Variants in EME1 observed in about 807,000 individuals in gnomAD.
EME1 encodes structure-specific endonuclease subunit EME1.
Under a neutral mutation model 59.1 loss-of-function variants are expected in EME1, and 61 were observed. That is an observed-to-expected ratio of 1.03 (90% CI 0.84 to 1.28). The LOEUF (loss-of-function observed/expected upper bound fraction) is 1.28, where lower values mean the gene tolerates loss of function less well. Ranked by LOEUF, EME1 falls within the 50% of genes most tolerant of loss-of-function variation. The probability of loss-of-function intolerance (pLI) is 0.00; values close to 1 mark genes in which losing one functional copy is unlikely to be tolerated. For synonymous variants in EME1, 230 were observed against 254.2 expected, an observed-to-expected ratio of 0.90 and a Z score of 0.90; for missense variants, 635 against 682.6, an observed-to-expected ratio of 0.93 and a Z score of 0.78.
Position 50,379,581 on chromosome 17 carries a change from G to C in EME1, c.1346+14G>C, listed in dbSNP as rs766142936. ...GGCGCCCTTCAAGTGAGTAACCCCA[G>C]CAAGTCCAGCCTCCATGCTGGGCCT... On this transcript the variant is annotated intron_variant, in intron 7 of 8. Transcript: ENST00000338165. The C allele has an allele frequency of 4.3e-6, 7 of 1,611,302 alleles. No individual in the cohort carries two copies. In the African/African-American group the frequency reaches 5.3e-5, roughly 12 times the overall value.
chr17:50,374,663 C>T (rs546852769), intron 1 of EME1, among the ~76,000 whole-genome samples: 2 of 152,136 alleles, frequency 1.3e-5, no homozygotes, highest in East Asian at 3.9e-4. Flanking sequence ...ACTAGCCTGG[C>T]GAACATGATG....
intron 8 of EME1, 73 bp downstream of exon 8, chr17:50,380,574 C>T: frequency 1.3e-6 from 2 of 1,576,690 alleles, no homozygotes; most frequent in South Asian, 1.2e-5. Flanking sequence ...TTTCCATGGA[C>T]AACTGTTGAG....
At chr17:50,377,807 A>G (rs1298243746) in intron 3 of EME1, among the ~76,000 whole-genome samples, 1 of 151,654 alleles carries the variant, frequency 6.6e-6, no homozygotes, top group Admixed American at 6.6e-5. Flanking sequence ...CCAGGCTAGA[A>G]TGCAATGGCA....
intron 1 of EME1, chr17:50,374,975 T>C: frequency 2.3e-6 from 1 of 443,636 alleles, no homozygotes; most frequent in South Asian, 3.5e-5. Context: ...TTGTTTATAC[T>C]TCAGCTTGAC....
chr17:50,377,501 CCT>C (rs2143315285), intron 3 of EME1, among the ~76,000 whole-genome samples: 1 of 152,282 alleles, frequency 6.6e-6, no homozygotes, highest in Non-Finnish European at 1.5e-5. Flanking sequence ...GGATTGTTGG[CCT>C]TGAGGCATCC....
rs1276752588 is a variant in EME1, at chr17:50,380,913, C to T, written c.1687C>T (p.His563Tyr). 2 of 1,614,216 alleles carry T rather than the reference C, an allele frequency of 1.2e-6. No homozygotes were observed. The highest frequency in any genetic ancestry group is 1.7e-6 in the Non-Finnish European group (2 of 1,180,042). The change falls in exon 9 of 9, where the codon CAT becomes TAT. Residue 563 changes from histidine to tyrosine, a missense_variant. By Grantham distance (83) the His-to-Tyr change is moderately conservative. Transcript: ENST00000338165. Reference protein sequence around the residue: ...IYLQMTTLQPHLSLDSAD With the variant: ...IYLQMTTLQPYLSLDSAD ...CCTTCAGATGACCACTTTACAGCCA[C>T]ATCTCTCTTTAGATAGTGCTGACTG... is the stretch of plus-strand genomic sequence containing the variant.
Position 50,380,326 on chromosome 17 carries a change from AAAC to A in EME1, c.1362_1364del (p.Glu454_Thr455delinsAsp), listed in dbSNP as rs1294103802. Reference sequence around the variant, plus strand: ...CGCTGTTGCAGGAAGCTCCGAGATGAAACTACCTTCTCCTTCTGTCTGGAGAGT... The same window carrying A: ...CGCTGTTGCAGGAAGCTCCGAGATGATACCTTCTCCTTCTGTCTGGAGAGT... On this transcript the variant is annotated inframe_deletion, in exon 8 of 9. Transcript: ENST00000338165. 1.5e-5 allele frequency: 24 copies of A among 1,609,992 alleles called. No individual in the cohort carries two copies. Among genetic ancestry groups the A allele is most frequent in the Non-Finnish European group, 1.9e-5 (22 of 1,178,096 alleles).
rs1300449848 is a variant in EME1, at chr17:50,376,938, C to T, written c.903+745C>T. On this transcript the variant is annotated intron_variant, in intron 3 of 8. Transcript: ENST00000338165. ...GTGTAGCTTGTATTTTTGGTAGAGA[C>T]GGGGTTTTGCCATGTTGCCCAGGCT... is the stretch of plus-strand genomic sequence containing the variant. 9.9e-5 allele frequency among the ~76,000 whole-genome samples: 15 copies of T among 152,156 alleles called. No individual in the cohort carries two copies. The South Asian group carries it at 3.1e-3, about 32-fold the overall frequency.
intron 7 of EME1, chr17:50,379,816 T>C: frequency 2.2e-6 from 1 of 461,654 alleles, no homozygotes; most frequent in South Asian, 2.9e-5. Context: ...TAGGCCAGGT[T>C]ACCATAGGCC....
chr17:50,376,193 G>T lies in EME1; in HGVS notation c.903G>T (p.Glu301Asp). ...GGAGGAGAAGGGCTGGGCCGTCTGA[G>T]GTAGGAGTTTTCTGGCTGACATTTC... is the stretch of plus-strand genomic sequence containing the variant. ...VTWRRRAGPSEDREDWVEEPT... is the reference protein window; with the variant it reads ...VTWRRRAGPSDDREDWVEEPT... The change falls in exon 3 of 9, where the codon GAG becomes GAT. Residue 301 changes from glutamate (E) to aspartate (D), a missense_variant and splice_region_variant. Glu to Asp is a conservative substitution (Grantham distance 45). Transcript: ENST00000338165. The T allele has an allele frequency of 6.2e-7, 1 of 1,611,718 alleles. No individual in the cohort carries two copies. The highest frequency in any genetic ancestry group is 2.2e-5 in the East Asian group (1 of 44,828).
In EME1 at chr17:50,380,485, C is replaced by T. The variant is rs1913755728; in HGVS notation, c.1520C>T (p.Pro507Leu). 1.9e-6 allele frequency: 3 copies of T among 1,613,902 alleles called. No individual in the cohort carries two copies. Among genetic ancestry groups the T allele is most frequent in the Middle Eastern group, 1.7e-4 (1 of 5,852 alleles). ...GCAGTTGTGAATGCCTATCCCTCCC[C>T]ACAGCTCCTGGTACAGGTATGCTGC... ...ASAVVNAYPS[P>L]QLLVQAYQQC... Residue 507 changes from proline (P) to leucine (L), a missense_variant, in exon 8 of 9, where the codon CCA becomes CTA. Physicochemically the swap from Pro to Leu is moderately conservative, Grantham distance 98 (BLOSUM62 -3). Coordinates refer to ENST00000338165, the MANE Select transcript of EME1 (RefSeq NM_152463.4).
chr17:50,374,624 G>A (rs1482024664), intron 1 of EME1, among the ~76,000 whole-genome samples: 6 of 152,074 alleles, frequency 3.9e-5, no homozygotes, highest in Non-Finnish European at 7.4e-5. Flanking sequence ...GGCCAAGGCG[G>A]GCGGATCACT....
chr17:50,381,093 C>T lies in EME1; in HGVS notation c.*154C>T. The T allele has an allele frequency of 1.2e-6, 1 of 803,592 alleles. No individual in the cohort carries two copies. Among genetic ancestry groups the T allele is most frequent in the Non-Finnish European group, 1.9e-6 (1 of 522,430 alleles). 49.8% of individuals were successfully genotyped at this position (803,592 alleles called of 1,614,324 possible). A position where few individuals can be genotyped will look rare whatever the true frequency, so the allele number is the denominator to read the frequency against. ...GGTCTTATTATTTGTGAAGGTCTCT[C>T]TGCCTGTCGGCTGGGGCAGAGACTG... On this transcript the variant is annotated 3_prime_UTR_variant, in exon 9 of 9. Transcript: ENST00000338165.
Position 50,380,299 on chromosome 17 carries a change from C to G in EME1, c.1347-13C>G, listed in dbSNP as rs1394809463. The G allele has an allele frequency of 3.8e-6, 6 of 1,589,152 alleles. No homozygotes were observed. In the Admixed American group the frequency reaches 1.1e-4, roughly 29 times the overall value. ...AATGAGCAACTTACAGCTCTCCAAC[C>G]ACGCTGTTGCAGGAAGCTCCGAGAT... On this transcript the variant is annotated splice_polypyrimidine_tract_variant and intron_variant, in intron 7 of 8. Coordinates refer to ENST00000338165, the MANE Select transcript of EME1 (RefSeq NM_152463.4).
At chr17:50,378,068 A>G (rs1483063070) in intron 3 of EME1, among the ~76,000 whole-genome samples, 2 of 139,558 alleles carry the variant, frequency 1.4e-5, no homozygotes, top group Non-Finnish European at 3.0e-5. Context: ...CTGGCCTGCT[A>G]TGTTCCTTTT....
rs17715019 is a variant in EME1, at chr17:50,381,078, T to C, written c.*139T>C. On this transcript the variant is annotated 3_prime_UTR_variant, in exon 9 of 9. Transcript: ENST00000338165. The stretch of plus-strand genomic sequence containing the variant: ...GCCCAGTCTTTCTTGGGTCTTATTA[T>C]TTGTGAAGGTCTCTCTGCCTGTCGG... 13,576 of 898,094 alleles carry C rather than the reference T, an allele frequency of 0.015. 198 individuals carry two copies. The highest frequency in any genetic ancestry group is 0.041 in the African/African-American group (2,422 of 59,572). 55.6% of individuals were successfully genotyped at this position (898,094 alleles called of 1,614,324 possible).
chr17:50,373,424 G>A (rs1598359014), intron 1 of EME1, 147 bp downstream of exon 1: 4 of 579,926 alleles, frequency 6.9e-6, no homozygotes, highest in South Asian at 4.0e-5. Context: ...GCAGGGGCCC[G>A]CTTGTCCCAC....
Position 50,380,747 on chromosome 17 carries a change from C to T in EME1, c.1537-16C>T, listed in dbSNP as rs1420681300. 2 of 1,613,512 alleles carry T rather than the reference C, an allele frequency of 1.2e-6. No individual in the cohort carries two copies. The highest frequency in any genetic ancestry group is 1.1e-5 in the South Asian group (1 of 91,030). ...CATGGATGGTACCATATTAAGAGGTCATCTACCACTTCCAGGCTTATCAGC... is the reference window on the plus strand; with the variant it reads ...CATGGATGGTACCATATTAAGAGGTTATCTACCACTTCCAGGCTTATCAGC... On this transcript the variant is annotated splice_polypyrimidine_tract_variant and intron_variant, in intron 8 of 8. Coordinates refer to ENST00000338165, the MANE Select transcript of EME1 (RefSeq NM_152463.4).
Position 50,378,667 on chromosome 17 carries a change from G to A in EME1, c.976G>A (p.Asp326Asn), listed in dbSNP as rs117096984. The A allele has an allele frequency of 4.6e-4, 743 of 1,614,082 alleles. 7 individuals carry two copies. The East Asian group carries it at 0.015, about 33-fold the overall frequency. The change falls in exon 4 of 9, where the codon GAC becomes AAC. Residue 326 changes from aspartate (D) to asparagine (N), a missense_variant. By Grantham distance (23) the Asp-to-Asn change is conservative. Coordinates refer to ENST00000338165, the MANE Select transcript of EME1 (RefSeq NM_152463.4). ...GGCAGAGGCATTTGTGTCCATGATC[G>A]ACAATGGAAAGCAGGTGGGCAGAGC... Reference protein sequence around the residue: ...LRAEAFVSMIDNGKQGSLDST... With the variant: ...LRAEAFVSMINNGKQGSLDST...
Sources: allele counts gnomAD v4.1 joint callset (sites outside exome capture counted in the v4.1 genomes callset), GRCh38; gene constraint gnomAD v4.1.1; transcripts MANE v1.5; gene names NCBI Gene and HGNC (gene_info 2026-07-23, HGNC 2026-07-21).